PRH1: variants seen among roughly 807,000 people sequenced by gnomAD.
The protein encoded by PRH1 is proline rich protein HaeIII subfamily 1.
In PRH1, 7 loss-of-function variants were observed where a neutral mutation model predicts 7.9. The observed-to-expected ratio is 0.89, with a 90% confidence interval of 0.50 to 1.67. PRH1 has a LOEUF of 1.67. PRH1 is among the 40% of genes most tolerant of loss of function. The pLI is 0.00. For synonymous variants in PRH1, 45 were observed against 80.8 expected (o/e 0.56, Z 2.38); for missense variants, 109 against 223.6 (o/e 0.49, Z 3.27).
chr12:11,139,577 C>T (rs1374889409), intron 1 of PRH1, among the ~76,000 whole-genome samples: 1 of 152,092 alleles, frequency 6.6e-6, no homozygotes, highest in African/African-American at 2.4e-5. Flanking sequence ...TTGTTCATTT[C>T]CTTTGTTGTA....
intron 2 of PRH1, among the ~76,000 whole-genome samples, chr12:10,952,583 A>G (rs1937740033): frequency 6.6e-6 from 1 of 151,938 alleles, no homozygotes; most frequent in Non-Finnish European, 1.5e-5. Flanking sequence ...TGAGAGACAA[A>G]AAGAACAATG....
At chr12:11,158,367 CTTAA>C (rs1225612802) in intron 1 of PRH1, among the ~76,000 whole-genome samples, 1 of 150,394 alleles carries the variant, frequency 6.6e-6, no homozygotes, top group Non-Finnish European at 1.5e-5. Context: ...AACAAACTTA[CTTAA>C]TTATACTTAA....
chr12:10,949,600 G>C (rs1950538767), intron 2 of PRH1, among the ~76,000 whole-genome samples: 1 of 151,888 alleles, frequency 6.6e-6, no homozygotes, highest in Middle Eastern at 3.2e-3. Flanking sequence ...TAATACCATT[G>C]TATCTATGCA....
intron 1 of PRH1, chr12:11,022,246 T>G (rs115193179): frequency 0.014 from 22,030 of 1,614,164 alleles, 201 homozygotes; most frequent in Non-Finnish European, 0.016. Flanking sequence ...ATTGGCAATC[T>G]TGAGCAAACA....
rs748322368 is a variant in PRH1, at chr12:10,997,045, G to A, written c.-125-23324C>T. 16 of 1,613,906 alleles carry A rather than the reference G, an allele frequency of 9.9e-6. No individual in the cohort carries two copies. In the Admixed American group the frequency reaches 2.5e-4, roughly 25 times the overall value. On this transcript the variant is annotated intron_variant, in intron 1 of 3. Transcript: ENST00000539853. ...GCGTCTTGTTCCCCCAAATCAGAAT[G>A]AATGAGTGGAATGATGGATATATGA...
chr12:10,976,640 T>C (rs1346448698), intron 1 of PRH1, among the ~76,000 whole-genome samples: 1 of 151,390 alleles, frequency 6.6e-6, no homozygotes, highest in African/African-American at 2.4e-5. Context: ...GGAGTTTTTT[T>C]TTTTTAAATT....
intron 1 of PRH1, chr12:11,061,908 A>G (rs762950316): frequency 6.2e-7 from 1 of 1,614,004 alleles, no homozygotes; most frequent in African/African-American, 1.3e-5. Context: ...GTATCACCAG[A>G]ACAACACTCT....
chr12:11,113,167 A>T, intron 1 of PRH1, among the ~76,000 whole-genome samples: 1 of 150,624 alleles, frequency 6.6e-6, no homozygotes, highest in East Asian at 1.9e-4. Context: ...ACACATGGAA[A>T]AACATTTCAT....
chr12:11,146,567 T>G lies in PRH1; in HGVS notation n.39+24855A>C, dbSNP rs28363878. Among the ~76,000 whole-genome samples, 946 of 152,308 alleles carry G rather than the reference T, an allele frequency of 6.2e-3. 10 individuals carry two copies. Among genetic ancestry groups the G allele is most frequent in the African/African-American group, 0.021 (886 of 41,578 alleles). Reference sequence around the variant, plus strand: ...AGACAGCTAACTTAGCTGGATTAATTAACAGATCTTTCCAAGGAATTTAAA... The same window carrying G: ...AGACAGCTAACTTAGCTGGATTAATGAACAGATCTTTCCAAGGAATTTAAA... On this transcript the variant is annotated intron_variant and non_coding_transcript_variant, in intron 1 of 1. Transcript: ENST00000541175.
intron 2 of PRH1, among the ~76,000 whole-genome samples, chr12:10,939,854 C>T (rs1042277244): frequency 6.6e-6 from 1 of 151,824 alleles, no homozygotes; most frequent in African/African-American, 2.4e-5. Flanking sequence ...AATATTCTCA[C>T]CATAAAAAAA....
At chr12:10,932,286 A>G in intron 2 of PRH1, 1 of 402,954 alleles carries the variant, frequency 2.5e-6, no homozygotes, top group Non-Finnish European at 5.3e-6. Flanking sequence ...ATCATGCTCT[A>G]ACTTCAATAT....
At chr12:10,973,711 T>C (rs781098830) in exon 2 of PRH1, 6 of 780,264 alleles carry the variant, frequency 7.7e-6, no homozygotes, top group Non-Finnish European at 1.4e-5. Context: ...CAAAATATTC[T>C]TCTGCAGCAG....
chr12:11,050,179 C>CA (rs1943088237), upstream of PRH1, among the ~76,000 whole-genome samples: 10 of 152,120 alleles, frequency 6.6e-5, no homozygotes, highest in South Asian at 2.1e-3. Context: ...TCAGGGGTCT[C>CA]ACAGCCTTCA....
intron 2 of PRH1, chr12:10,930,925 C>T (rs374103538): frequency 1.3e-4 from 204 of 1,607,616 alleles, no homozygotes; most frequent in Admixed American, 7.9e-4. Context: ...CCGTCCTCCT[C>T]GAGGAAGGCC....
chr12:10,964,716 C>T, intron 2 of PRH1: 1 of 657,254 alleles, frequency 1.5e-6, no homozygotes, highest in Non-Finnish European at 2.7e-6. Context: ...GATCCTTTGC[C>T]ATGGAACTGC....
intron 2 of PRH1, among the ~76,000 whole-genome samples, chr12:10,957,920 T>C (rs1357277534): frequency 6.6e-6 from 1 of 152,136 alleles, no homozygotes; most frequent in Non-Finnish European, 1.5e-5. Flanking sequence ...CAACAGATTC[T>C]GGCAAGATTG....
chr12:10,929,196 T>C, intron 2 of PRH1: 2 of 1,604,496 alleles, frequency 1.2e-6, no homozygotes, highest in East Asian at 4.5e-5. Flanking sequence ...TGCGCCATTG[T>C]CCTGCTTGTC....
At chr12:11,154,875 G>T (rs1011140961) in intron 1 of PRH1, among the ~76,000 whole-genome samples, 1 of 151,876 alleles carries the variant, frequency 6.6e-6, no homozygotes, top group African/African-American at 2.4e-5. Flanking sequence ...ACAGACAGAA[G>T]GGAAAACTTC....
chr12:11,077,317 G>A, intron 1 of PRH1: 1 of 288,150 alleles, frequency 3.5e-6, no homozygotes, highest in Middle Eastern at 3.6e-4. Context: ...GTGAATCTAT[G>A]GAGTTGAGGG....
Sources: allele counts gnomAD v4.1 joint callset (sites outside exome capture counted in the v4.1 genomes callset), GRCh38; gene constraint gnomAD v4.1.1; transcripts MANE v1.5; gene names NCBI Gene and HGNC (gene_info 2026-07-23, HGNC 2026-07-21).